Variants in CXXC1 observed in about 807,000 individuals in gnomAD.
CXXC1 encodes the protein CXXC finger protein 1.
CXXC1 carries 21 observed loss-of-function variants against 83.6 expected under a neutral mutation model. The observed-to-expected ratio is 0.25, with a 90% CI of 0.18 to 0.36. CXXC1 has a LOEUF of 0.36. Ranked by LOEUF, CXXC1 falls within the 10% of genes least tolerant of loss-of-function variation. The pLI, the probability that CXXC1 is intolerant of heterozygous loss-of-function variation, is 1.00. For synonymous variants in CXXC1, 371 were observed against 337.5 expected, an observed-to-expected ratio of 1.10 and a Z score of -1.09; for missense variants, 688 against 919.5, an observed-to-expected ratio of 0.75 and a Z score of 3.26.
Position 50,286,244 on chromosome 18 carries a change from C to T in CXXC1, c.237G>A (p.Lys79=). 1 of 1,606,728 alleles carries T rather than the reference C, an allele frequency of 6.2e-7. No individual in the cohort carries two copies. The highest frequency in any genetic ancestry group is 8.5e-7 in the Non-Finnish European group (1 of 1,177,734). The change falls in exon 4 of 15, where the codon AAG becomes AAA. Residue 79 remains lysine (K), a synonymous_variant. Transcript: ENST00000285106. The part of the protein sequence containing the change: ...YCRECREKDP[K]LEIRYRHKKS... The stretch of plus-strand genomic sequence containing the variant: ...TCTTGTGCCGATAGCGAATCTCTAG[C>T]TTGGGGTCTTTCTCTGTGGGGCAGA...
Position 50,287,664 on chromosome 18 carries a change from C to T in CXXC1, c.-75G>A. ...ACCTGCACAGACCACTCGGCGGCGTCCCAGGCGGTTGCAAAGGCGCCCACA... is the reference window on the plus strand; with the variant it reads ...ACCTGCACAGACCACTCGGCGGCGTTCCAGGCGGTTGCAAAGGCGCCCACA... On this transcript the variant is annotated 5_prime_UTR_variant, in exon 1 of 15. Transcript: ENST00000285106. The T allele has an allele frequency of 6.3e-7, 1 of 1,591,958 alleles. No homozygotes were observed. The highest frequency in any genetic ancestry group is 2.3e-5 in the East Asian group (1 of 44,248).
Position 50,282,480 on chromosome 18 carries a change from G to C in CXXC1, c.*113C>G. The C allele has an allele frequency of 7.3e-7, 1 of 1,372,838 alleles. No individual in the cohort carries two copies. The highest frequency in any genetic ancestry group is 1.0e-6 in the Non-Finnish European group (1 of 991,248). 85.0% of individuals were successfully genotyped at this position (1,372,838 alleles called of 1,614,324 possible). A position where few individuals can be genotyped will look rare whatever the true frequency, so the allele number is the denominator to read the frequency against. ...ATAAAGGCAGATGGGCGGTCAACCG[G>C]TGGATGGGCACAGGGAGAACCGGAG... On this transcript the variant is annotated 3_prime_UTR_variant, in exon 15 of 15. Transcript: ENST00000285106. The surrounding 1 kb of genome is among the most constrained non-coding windows in gnomAD (Gnocchi z 5.8).
rs2040482584 is a variant in CXXC1 at position 50,282,386 on chromosome 18, G to A, written c.*207C>T. 1.6e-6 allele frequency: 1 copy of A among 625,990 alleles called. No individual in the cohort carries two copies. Among genetic ancestry groups the A allele is most frequent in the Non-Finnish European group, 2.8e-6 (1 of 357,010 alleles). 38.8% of individuals were successfully genotyped at this position (625,990 alleles called of 1,614,324 possible). ...ATTTTATTAACAAAACCCAGGGAGA[G>A]GAGGCAAGGATGAGTGGACTCCGCA... is the stretch of plus-strand genomic sequence containing the variant. On this transcript the variant is annotated 3_prime_UTR_variant, in exon 15 of 15. Transcript: ENST00000285106. The surrounding 1 kb of genome is among the most constrained non-coding windows in gnomAD (Gnocchi z 5.8).
Position 50,285,972 on chromosome 18 carries a change from G to A in CXXC1, c.460-44C>T, listed in dbSNP as rs2040706194. 1 of 1,613,830 alleles carries A rather than the reference G, an allele frequency of 6.2e-7. No homozygotes were observed. The highest frequency in any genetic ancestry group is 1.3e-5 in the African/African-American group (1 of 75,062). ...AACAGAAATCATGGACCCAGGCAGG[G>A]CTGAAACGGAACCACTTTACACATC... On this transcript the variant is annotated intron_variant, in intron 4 of 14. Transcript: ENST00000285106. This position sits in a 1 kb window ranked among gnomAD's most constrained non-coding sequence, Gnocchi z 4.4.
chr18:50,284,076 G>T lies in CXXC1; in HGVS notation c.1231C>A (p.Arg411Ser). ...ANRIYEILPQ[R>S]IQQWQQSPCI... ...GGGCTCTGCTGCCACTGCTGGATGC[G>T]CTGGGGGAGGATCTCGTAGATGCGG... The change falls in exon 10 of 15, where the codon CGC (arginine) becomes AGC (serine). Residue 411 changes from arginine to serine, a missense_variant. Arg to Ser is a moderately radical substitution (Grantham distance 110). Transcript: ENST00000285106. 1.2e-6 allele frequency: 2 copies of T among 1,608,192 alleles called. No individual in the cohort carries two copies.
intron 7 of CXXC1, 68 bp from the exon 8 acceptor site, chr18:50,284,907 A>G: frequency 1.2e-6 from 2 of 1,612,672 alleles, no homozygotes; most frequent in Non-Finnish European, 1.7e-6. Flanking sequence ...CTCATGTCCC[A>G]TATCAGCCTT....
In CXXC1 at chr18:50,286,061, G is replaced by C. The variant is rs780852843; in HGVS notation, c.420C>G (p.His140Gln). The change falls in exon 4 of 15, where the codon CAC becomes CAG. Residue 140 changes from histidine (H) to glutamine (Q), a missense_variant. His to Gln is a conservative substitution (Grantham distance 24, BLOSUM62 0). Around this residue, in one of 9 missense-constraint regions of CXXC1, gnomAD observed 142 missense variants for 150.7 expected, o/e 0.94. Coordinates refer to ENST00000285106, the MANE Select transcript of CXXC1 (RefSeq NM_014593.4). ...AMLARGSASP[H>Q]KSSPQPLVAT... ...CCACCAAGGGCTGCGGAGAGGATTT[G>C]TGGGGCGAAGCAGAGCCCCGAGCAA... is the stretch of plus-strand genomic sequence containing the variant. 1 of 1,614,020 alleles carries C rather than the reference G, an allele frequency of 6.2e-7. No homozygotes were observed. The highest frequency in any genetic ancestry group is 1.1e-5 in the South Asian group (1 of 91,072).
chr18:50,287,055 CT>C, intron 1 of CXXC1, 197 bp from the exon 2 acceptor site: 3 of 590,770 alleles, frequency 5.1e-6, no homozygotes, highest in Middle Eastern at 4.5e-4. Context: ...CTGCTCCATA[CT>C]TCCCATCACG....
In CXXC1 at chr18:50,285,452, C is replaced by A; in HGVS notation, c.640-101G>T. On this transcript the variant is annotated intron_variant, in intron 5 of 14. Coordinates refer to ENST00000285106, the MANE Select transcript of CXXC1 (RefSeq NM_014593.4). The surrounding 1 kb of genome is among the most constrained non-coding windows in gnomAD (Gnocchi z 4.4). The stretch of plus-strand genomic sequence containing the variant: ...GCCTGGCCTTACCTCCCCAGACACA[C>A]CTCCCCGCTACCCCTCATTGCCAGG... 1.5e-5 allele frequency: 20 copies of A among 1,368,402 alleles called. No individual in the cohort carries two copies. In the South Asian group the frequency reaches 2.7e-4, roughly 19 times the overall value. The allele number at this position is 1,368,402 out of a possible 1,614,324, so 84.8% of individuals were successfully genotyped here.
Position 50,285,639 on chromosome 18 carries a change from T to C in CXXC1, c.639+110A>G. 7.3e-7 allele frequency: 1 copy of C among 1,363,180 alleles called. No individual in the cohort carries two copies. Among genetic ancestry groups the C allele is most frequent in the Non-Finnish European group, 1.0e-6 (1 of 986,782 alleles). 84.4% of individuals were successfully genotyped at this position (1,363,180 alleles called of 1,614,324 possible). A position where few individuals can be genotyped will look rare whatever the true frequency, so the allele number is the denominator to read the frequency against. The stretch of plus-strand genomic sequence containing the variant: ...ACAGGCCCCTTCCCACCTGTCAGGA[T>C]ACAGTCAGGCCCAATCCCACCTGGT... On this transcript the variant is annotated intron_variant, in intron 5 of 14. Transcript: ENST00000285106. The surrounding 1 kb of genome is among the most constrained non-coding windows in gnomAD (Gnocchi z 4.4).
rs2040703375 is a variant in CXXC1, at chr18:50,285,799, T to A, written c.589A>T (p.Asn197Tyr). 6.2e-7 allele frequency: 1 copy of A among 1,614,034 alleles called. No individual in the cohort carries two copies. Among genetic ancestry groups the A allele is most frequent in the African/African-American group, 1.3e-5 (1 of 74,940 alleles). The part of the protein sequence containing the change: ...CRDMKKFGGP[N>Y]KIRQKCRLRQ... ...AGCCGGCACTTCTGCCGGATCTTGTTGGGGCCCCCGAACTTCTTCATGTCC... is the reference window on the plus strand; with the variant it reads ...AGCCGGCACTTCTGCCGGATCTTGTAGGGGCCCCCGAACTTCTTCATGTCC... Residue 197 changes from asparagine (N) to tyrosine (Y), a missense_variant, in exon 5 of 15, where the codon AAC becomes TAC. Around this residue, in one of 9 missense-constraint regions of CXXC1, gnomAD observed 35 missense variants for 92.2 expected, o/e 0.38. Transcript: ENST00000285106. The surrounding 1 kb of genome is among the most constrained non-coding windows in gnomAD (Gnocchi z 4.4).
Position 50,284,544 on chromosome 18 carries a change from G to T in CXXC1, c.1039C>A (p.Arg347=). The change falls in exon 9 of 15, where the codon CGG becomes AGG. Residue 347 remains arginine, a synonymous_variant. Coordinates refer to ENST00000285106, the MANE Select transcript of CXXC1 (RefSeq NM_014593.4). ...TTGTGCTTCTGCTTCTGCCGATGCCGCTTGTATCGCTCCTCCTTCTGTTGA... is the reference window on the plus strand; with the variant it reads ...TTGTGCTTCTGCTTCTGCCGATGCCTCTTGTATCGCTCCTCCTTCTGTTGA... The part of the protein sequence containing the change: ...SEKKKEERYK[R]HRQKQKHKDK... 1 of 1,587,630 alleles carries T rather than the reference G, an allele frequency of 6.3e-7. No homozygotes were observed. Among genetic ancestry groups the T allele is most frequent in the South Asian group, 1.2e-5 (1 of 86,478 alleles).
rs201296881 is a variant in CXXC1, at chr18:50,284,566, T to C, written c.1021-4A>G. 76 of 1,583,410 alleles carry C rather than the reference T, an allele frequency of 4.8e-5. 1 individual carries two copies. Among genetic ancestry groups the C allele is most frequent in the Non-Finnish European group, 6.1e-5 (71 of 1,162,860 alleles). On this transcript the variant is annotated splice_polypyrimidine_tract_variant and splice_region_variant and intron_variant, in intron 8 of 14. Transcript: ENST00000285106. ...GCCGCTTGTATCGCTCCTCCTTCTG[T>C]TGAGCAAGACAAGTCAGGTCAGGGT...
In CXXC1 at chr18:50,285,313, G is replaced by T. The variant is rs1252808703; in HGVS notation, c.666+12C>A. On this transcript the variant is annotated intron_variant, in intron 6 of 14. Transcript: ENST00000285106. This position sits in a 1 kb window ranked among gnomAD's most constrained non-coding sequence, Gnocchi z 4.4. ...CCGCATGCCCCACCCCACCCTGGGG[G>T]GCTGGACTCACCGAGGAAGGGAAGT... 2 of 1,607,304 alleles carry T rather than the reference G, an allele frequency of 1.2e-6. No individual in the cohort carries two copies. The highest frequency in any genetic ancestry group is 1.7e-5 in the Admixed American group (1 of 59,590).
rs1187198018 is a variant in CXXC1 at position 50,286,546 on chromosome 18, C to A, written c.216G>T (p.Glu72Asp). 4 of 1,614,006 alleles carry A rather than the reference C, an allele frequency of 2.5e-6. No individual in the cohort carries two copies. Among genetic ancestry groups the A allele is most frequent in the Admixed American group, 1.7e-5 (1 of 60,028 alleles). The change falls in exon 3 of 15, where the codon GAG (glutamate) becomes GAT (aspartate). Residue 72 changes from glutamate to aspartate, a missense_variant. Physicochemically the swap from Glu to Asp is conservative, Grantham distance 45 (BLOSUM62 2). Around this residue, in one of 9 missense-constraint regions of CXXC1, gnomAD observed 142 missense variants for 150.7 expected, o/e 0.94. Transcript: ENST00000285106. ...AKAIREWYCRECREKDPKLEI... is the reference protein window; with the variant it reads ...AKAIREWYCRDCREKDPKLEI... The stretch of plus-strand genomic sequence containing the variant: ...TCCATCCATGGCCCTCACCTCTGCA[C>A]TCCCGACAGTACCACTCCCGGATGG...
Position 50,282,731 on chromosome 18 carries a change from C to T in CXXC1, c.1833G>A (p.Lys611=). 1 of 1,614,070 alleles carries T rather than the reference C, an allele frequency of 6.2e-7. No individual in the cohort carries two copies. The highest frequency in any genetic ancestry group is 1.6e-4 in the Middle Eastern group (1 of 6,062). The change falls in exon 15 of 15, where the codon AAG becomes AAA. Residue 611 remains lysine (K), a synonymous_variant. Coordinates refer to ENST00000285106, the MANE Select transcript of CXXC1 (RefSeq NM_014593.4). This position sits in a 1 kb window ranked among gnomAD's most constrained non-coding sequence, Gnocchi z 5.8. ...GCTCCTGCTCAAACAGCTCGTCCAG[C>T]TTGTACCACTGCCAAGGGAGCGGCA... ...VDLERVRVWY[K]LDELFEQERN...
In CXXC1 at chr18:50,286,528, A is replaced by G; in HGVS notation, c.223+11T>C. 6.2e-7 allele frequency: 1 copy of G among 1,611,154 alleles called. No homozygotes were observed. Among genetic ancestry groups the G allele is most frequent in the Non-Finnish European group, 8.5e-7 (1 of 1,177,916 alleles). On this transcript the variant is annotated intron_variant, in intron 3 of 14. Coordinates refer to ENST00000285106, the MANE Select transcript of CXXC1 (RefSeq NM_014593.4). ...CCCCACCTGCCTTCCCTGTCCATCCATGGCCCTCACCTCTGCACTCCCGAC... is the reference window on the plus strand; with the variant it reads ...CCCCACCTGCCTTCCCTGTCCATCCGTGGCCCTCACCTCTGCACTCCCGAC...
At position 50,286,838 on chromosome 18, in the gene CXXC1, T is replaced by C. The variant is rs969057446; in HGVS notation, c.24A>G (p.Pro8=). The C allele has an allele frequency of 6.2e-7, 1 of 1,613,622 alleles. No individual in the cohort carries two copies. Among genetic ancestry groups the C allele is most frequent in the Non-Finnish European group, 8.5e-7 (1 of 1,179,602 alleles). Reference sequence around the variant, plus strand: ...TGTCCTCCCCGGCATCTGGAGGCTCTGGGTCTGAACCATCTCCCTCCTGCA... The same window carrying C: ...TGTCCTCCCCGGCATCTGGAGGCTCCGGGTCTGAACCATCTCCCTCCTGCA... MEGDGSD[P]EPPDAGEDSK... Residue 8 remains proline, a synonymous_variant, in exon 2 of 15, where the codon CCA becomes CCG. Transcript: ENST00000285106.
At position 50,286,221 on chromosome 18, in the gene CXXC1, T is replaced by C. The variant is rs1021888199; in HGVS notation, c.260A>G (p.Lys87Arg). ...DPKLEIRYRH[K>R]KSRERDGNER... The stretch of plus-strand genomic sequence containing the variant: ...ATTGCCATCCCGCTCCCGTGACTTC[T>C]TGTGCCGATAGCGAATCTCTAGCTT... The change falls in exon 4 of 15, where the codon AAG (lysine) becomes AGG (arginine). Residue 87 changes from lysine to arginine, a missense_variant. Transcript: ENST00000285106. 2.5e-6 allele frequency: 4 copies of C among 1,612,154 alleles called. No homozygotes were observed. Among genetic ancestry groups the C allele is most frequent in the Non-Finnish European group, 2.5e-6 (3 of 1,179,672 alleles).
Sources: allele counts gnomAD v4.1 joint callset, GRCh38; gene constraint gnomAD v4.1.1; regional missense constraint gnomAD v4.1.1; non-coding constraint Gnocchi (gnomAD v3.1); transcripts MANE v1.5; gene names NCBI Gene and HGNC (gene_info 2026-07-23, HGNC 2026-07-21).